The following NSD3 variants were observed in gnomAD, a reference collection of about 807,000 sequenced individuals.
The protein encoded by NSD3 is nuclear receptor binding SET domain protein 3, also known as histone-lysine N-methyltransferase NSD3.
In NSD3, 24 loss-of-function variants were observed where a neutral mutation model predicts 160.8. That is an observed-to-expected ratio of 0.15 (90% CI 0.11 to 0.21). The LOEUF (loss-of-function observed/expected upper bound fraction) is 0.21, where lower values mean the gene tolerates loss of function less well. NSD3 is among the 10% of genes least tolerant of loss of function. NSD3 has a pLI of 1.00. For missense variants in NSD3, 1,157 were observed against 1,735.9 expected (o/e 0.67, Z 5.93); for synonymous variants, 520 against 600.0 (o/e 0.87, Z 1.95).
In NSD3 at chr8:38,306,942, G is replaced by A. The variant is rs189717582; in HGVS notation, c.2243-1497C>T. On this transcript the variant is annotated intron_variant, in intron 12 of 23. Transcript: ENST00000317025. ...GTCCTGGTTAACAAGGTGAAACCCC[G>A]TCTCTACTAAAAATACAAAAAAATT... Among the ~76,000 whole-genome samples the A allele has an allele frequency of 1.7e-3, 259 of 151,560 alleles. 2 individuals are homozygous for A. The highest frequency in any genetic ancestry group is 5.7e-3 in the African/African-American group (235 of 41,362).
At chr8:38,372,855 C>T (rs1467941647) in intron 1 of NSD3, among the ~76,000 whole-genome samples, 1 of 148,194 alleles carries the variant, frequency 6.7e-6, no homozygotes, top group African/African-American at 2.5e-5. Flanking sequence ...CGGCGGTTCA[C>T]GCCTGGCCAA....
intron 19 of NSD3, among the ~76,000 whole-genome samples, chr8:38,285,022 A>G (rs1165048811): frequency 6.6e-6 from 1 of 152,254 alleles, no homozygotes; most frequent in South Asian, 2.1e-4. Flanking sequence ...TTAACTATGA[A>G]TTCAACTGTG....
chr8:38,293,388 A>G (rs965309842), intron 16 of NSD3, among the ~76,000 whole-genome samples: 3 of 151,652 alleles, frequency 2.0e-5, no homozygotes, highest in Admixed American at 6.6e-5. Flanking sequence ...CGTCTCTACT[A>G]AAAATACAAA....
rs1263189276 is a variant in NSD3 at position 38,288,941 on chromosome 8, G to A, written c.3232-185C>T. On this transcript the variant is annotated intron_variant, in intron 18 of 23. Coordinates refer to ENST00000317025, the MANE Select transcript of NSD3 (RefSeq NM_023034.2). This position sits in a 1 kb window ranked among gnomAD's most constrained non-coding sequence, Gnocchi z 4.5. ...TCATTTAGTTGACAAAAATATCAAA[G>A]CCTCATGTGAATTTTCACTTATTTA... Among the ~76,000 whole-genome samples the A allele has an allele frequency of 6.6e-6, 1 of 151,980 alleles. No individual in the cohort carries two copies. The highest frequency in any genetic ancestry group is 2.4e-5 in the African/African-American group (1 of 41,366).
intron 7 of NSD3, among the ~76,000 whole-genome samples, chr8:38,322,386 T>C (rs1343349389): frequency 6.6e-6 from 1 of 152,174 alleles, no homozygotes. Flanking sequence ...ACGAAAATGT[T>C]TACTAAGACA....
At chr8:38,286,771 T>C (rs1808868662) in intron 19 of NSD3, among the ~76,000 whole-genome samples, 1 of 152,154 alleles carries the variant, frequency 6.6e-6, no homozygotes, top group Admixed American at 6.5e-5. Context: ...AGAACTTCCC[T>C]GCTGTTCCTG....
intron 2 of NSD3, among the ~76,000 whole-genome samples, chr8:38,342,595 G>C (rs1309490657): frequency 6.6e-6 from 1 of 151,174 alleles, no homozygotes; most frequent in Non-Finnish European, 1.5e-5. Context: ...TTGAGACAGA[G>C]TCTTGCTCTG....
intron 19 of NSD3, among the ~76,000 whole-genome samples, chr8:38,284,996 CTA>C (rs1563342209): frequency 6.6e-6 from 1 of 152,134 alleles, no homozygotes; most frequent in African/African-American, 2.4e-5. Context: ...GAGATGCTGA[CTA>C]GACTTAAAAA....
At chr8:38,306,748 T>C (rs1585871903) in intron 12 of NSD3, among the ~76,000 whole-genome samples, 1 of 151,826 alleles carries the variant, frequency 6.6e-6, no homozygotes, top group South Asian at 2.1e-4. Context: ...TAAAGACAAA[T>C]AGGCAAAAGA....
intron 19 of NSD3, among the ~76,000 whole-genome samples, chr8:38,286,892 CTCCCTGAGCCAATCACTTGAAAAGGGCAA>C (rs1463836937): frequency 1.3e-5 from 2 of 152,242 alleles, no homozygotes; most frequent in Non-Finnish European, 2.9e-5. Flanking sequence ...CTCCTCAGGT[CTCCCTGAGCCAATCACTTGAAAAGGGCAA>C]TCCCTGTCAC....
intron 1 of NSD3, 82 bp downstream of exon 1, chr8:38,381,717 C>T (rs1811573540): frequency 6.5e-6 from 1 of 153,800 alleles, no homozygotes; most frequent in East Asian, 1.9e-4. Context: ...CCTCCTCAGC[C>T]CTTCCTAGCA....
In NSD3 at chr8:38,357,118, C is replaced by CAAAA. The variant is rs966483645; in HGVS notation, c.-44-8907_-44-8904dup. Reference sequence around the variant, plus strand: ...TGGGTGACAAAGCAAGACACCATCTCAAAAAAAAAAAAAAAAAAAAAAAAA... The same window carrying CAAAA: ...TGGGTGACAAAGCAAGACACCATCTCAAAAAAAAAAAAAAAAAAAAAAAAAAAAA... On this transcript the variant is annotated intron_variant, in intron 1 of 23. Transcript: ENST00000317025. Among the ~76,000 whole-genome samples, 81 of 21,314 alleles carry CAAAA rather than the reference C, an allele frequency of 3.8e-3. 5 individuals are homozygous for CAAAA. Among genetic ancestry groups the CAAAA allele is most frequent in the East Asian group, 0.016 (9 of 552 alleles). The allele number at this position is 21,314 out of a possible 152,430, so 14.0% of individuals were successfully genotyped here.
intron 2 of NSD3, among the ~76,000 whole-genome samples, chr8:38,341,385 A>G (rs1267246902): frequency 6.6e-6 from 1 of 152,090 alleles, no homozygotes; most frequent in African/African-American, 2.4e-5. Flanking sequence ...TAAAAATAGA[A>G]AAATTAGCCA....
In NSD3 at chr8:38,321,235, T is replaced by C; in HGVS notation, c.1709-63A>G. On this transcript the variant is annotated intron_variant, in intron 7 of 23. Coordinates refer to ENST00000317025, the MANE Select transcript of NSD3 (RefSeq NM_023034.2). This position sits in a 1 kb window ranked among gnomAD's most constrained non-coding sequence, Gnocchi z 4.7. ...TAAGGATACCTTGACATCTATGTAA[T>C]TAAGATATGACCACATTCCTTGCTT... 7 of 1,365,260 alleles carry C rather than the reference T, an allele frequency of 5.1e-6. No homozygotes were observed. The highest frequency in any genetic ancestry group is 7.1e-6 in the Non-Finnish European group (7 of 985,654). 84.6% of individuals were successfully genotyped at this position (1,365,260 alleles called of 1,614,324 possible).
At chr8:38,277,636 C>T (rs915552642) in intron 22 of NSD3, among the ~76,000 whole-genome samples, 62 of 152,162 alleles carry the variant, frequency 4.1e-4, no homozygotes, top group African/African-American at 1.4e-3. Flanking sequence ...TTTAGACAAC[C>T]TGTTAATTTT....
chr8:38,278,096 G>A (rs1304141097), intron 22 of NSD3, among the ~76,000 whole-genome samples: 2 of 152,132 alleles, frequency 1.3e-5, no homozygotes, highest in East Asian at 3.9e-4. Context: ...CCATCACCAT[G>A]CCCAGCTAAT....
chr8:38,290,688 A>C lies in NSD3; in HGVS notation c.2916-11T>G. ...TCTGCTGGCCACCATCTGAAAACAA[A>C]AGCAATTTTAGATCAAGAGGGCAAA... is the stretch of plus-strand genomic sequence containing the variant. On this transcript the variant is annotated splice_polypyrimidine_tract_variant and intron_variant, in intron 16 of 23. Transcript: ENST00000317025. 6.2e-7 allele frequency: 1 copy of C among 1,612,836 alleles called. No individual in the cohort carries two copies. Among genetic ancestry groups the C allele is most frequent in the Non-Finnish European group, 8.5e-7 (1 of 1,179,558 alleles).
chr8:38,278,101 G>T (rs1310394182), intron 22 of NSD3, among the ~76,000 whole-genome samples: 1 of 152,046 alleles, frequency 6.6e-6, no homozygotes, highest in Non-Finnish European at 1.5e-5. Context: ...ACCATGCCCA[G>T]CTAATTTTTT....
At chr8:38,357,976 T>C (rs974603940) in intron 1 of NSD3, among the ~76,000 whole-genome samples, 4 of 152,144 alleles carry the variant, frequency 2.6e-5, no homozygotes, top group African/African-American at 9.7e-5. Flanking sequence ...GACTTAACTT[T>C]CATGAAGGTT....
Sources: allele counts gnomAD v4.1 joint callset (sites outside exome capture counted in the v4.1 genomes callset), GRCh38; gene constraint gnomAD v4.1.1; non-coding constraint Gnocchi (gnomAD v3.1); transcripts MANE v1.5; gene names NCBI Gene and HGNC (gene_info 2026-07-23, HGNC 2026-07-21).